The following GLIS3 variants were observed in gnomAD, a reference collection of about 807,000 sequenced individuals.
GLIS3 encodes the protein zinc finger protein GLIS3.
In GLIS3, 53 loss-of-function variants were observed where a neutral mutation model predicts 78.6. The observed-to-expected ratio is 0.67, with a 90% CI of 0.54 to 0.85. The LOEUF is 0.85. Ranked by LOEUF, GLIS3 falls within the 40% of genes least tolerant of loss-of-function variation. GLIS3 has a pLI of 0.00. For missense variants in GLIS3, 1,703 were observed against 1,231.1 expected, an observed-to-expected ratio of 1.38 and a Z score of -5.74; for synonymous variants, 684 against 509.9, an observed-to-expected ratio of 1.34 and a Z score of -4.60.
chr9:4,270,735 T>C (rs748769745), intron 2 of GLIS3, among the ~76,000 whole-genome samples: 5 of 152,220 alleles, frequency 3.3e-5, no homozygotes, highest in African/African-American at 1.2e-4. Flanking sequence ...AGCTAGAACA[T>C]TGGTCTCCTT....
chr9:3,926,144 A>C lies in GLIS3; in HGVS notation c.1983+6216T>G, dbSNP rs115246319. Among the ~76,000 whole-genome samples, 1,194 of 152,160 alleles carry C rather than the reference A, an allele frequency of 7.8e-3. 16 individuals carry two copies. Among genetic ancestry groups the C allele is most frequent in the African/African-American group, 0.027 (1,132 of 41,518 alleles). ...ACAAATTAAGATGATCCTAACATCT[A>C]TTGCTATAGTTTAGTAGTATCAGGT... On this transcript the variant is annotated intron_variant, in intron 6 of 10. Coordinates refer to ENST00000381971, the MANE Select transcript of GLIS3 (RefSeq NM_001042413.2).
intron 3 of GLIS3, among the ~76,000 whole-genome samples, chr9:4,120,825 G>T (rs1832119084): frequency 6.6e-6 from 1 of 152,200 alleles, no homozygotes; most frequent in Admixed American, 6.5e-5. Context: ...ATGACTAACA[G>T]ACAGAAGTAT....
chr9:3,830,364 C>T (rs1455170), intron 9 of GLIS3, among the ~76,000 whole-genome samples: 151,877 of 152,334 alleles, frequency 1, 75,712 homozygotes, highest in Middle Eastern at 1. Context: ...TAATATGCTT[C>T]TGAAAATATA....
chr9:3,961,204 T>C (rs554141475), intron 4 of GLIS3, among the ~76,000 whole-genome samples: 2 of 152,312 alleles, frequency 1.3e-5, no homozygotes, highest in South Asian at 4.1e-4. Flanking sequence ...GAACCCGCTG[T>C]GCTCTTGCTG....
chr9:4,101,804 C>T (rs1830392174), intron 4 of GLIS3, among the ~76,000 whole-genome samples: 1 of 152,122 alleles, frequency 6.6e-6, no homozygotes, highest in African/African-American at 2.4e-5. Context: ...TAACTCTTTC[C>T]TGTTAATGAG....
intron 2 of GLIS3, among the ~76,000 whole-genome samples, chr9:4,170,051 C>G (rs1398748699): frequency 6.6e-6 from 1 of 152,060 alleles, no homozygotes; most frequent in Non-Finnish European, 1.5e-5. Flanking sequence ...AGCAGTAAAT[C>G]ACGGATATAG....
intron 4 of GLIS3, among the ~76,000 whole-genome samples, chr9:4,110,475 G>C (rs1437662183): frequency 6.6e-6 from 1 of 152,048 alleles, no homozygotes; most frequent in Non-Finnish European, 1.5e-5. Context: ...CTCAAGCTCA[G>C]AACCTGTGGC....
the GLIS3 span, among the ~76,000 whole-genome samples, chr9:4,370,199 A>G: frequency 7.3e-5 from 11 of 151,712 alleles, no homozygotes; most frequent in African/African-American, 2.7e-4. Flanking sequence ...AAAAAAAAAA[A>G]AAAACAACCA....
At chr9:4,422,048 A>C in the GLIS3 span, among the ~76,000 whole-genome samples, 1 of 152,258 alleles carries the variant, frequency 6.6e-6, no homozygotes, top group Non-Finnish European at 1.5e-5. Context: ...AGACATGTTC[A>C]TATCAAGTTA....
chr9:4,272,449 T>C (rs10814908), intron 2 of GLIS3, among the ~76,000 whole-genome samples: 36,337 of 152,032 alleles, frequency 0.24, 4,487 homozygotes, highest in African/African-American at 0.26. Context: ...GAAGTCAGCA[T>C]AACATGGGGT....
intron 4 of GLIS3, among the ~76,000 whole-genome samples, chr9:3,974,545 C>A (rs569354501): frequency 6.6e-6 from 1 of 152,174 alleles, no homozygotes; most frequent in African/African-American, 2.4e-5. Flanking sequence ...TATGAGGACT[C>A]TGCTATTTTC....
At chr9:4,351,668 AT>A (rs869180857), upstream of GLIS3, among the ~76,000 whole-genome samples, 14 of 152,284 alleles carry the variant, frequency 9.2e-5, no homozygotes, top group South Asian at 2.9e-3. Flanking sequence ...GAAAGATTTC[AT>A]TTTTTTAAAA....
At chr9:4,296,555 T>C (rs1816522417) in intron 1 of GLIS3, among the ~76,000 whole-genome samples, 1 of 152,124 alleles carries the variant, frequency 6.6e-6, no homozygotes, top group South Asian at 2.1e-4. Flanking sequence ...AAACCCTAGG[T>C]ATTCAACCTC....
intron 6 of GLIS3, among the ~76,000 whole-genome samples, chr9:3,924,222 T>TTAGGAAGGAAAATATTTCC (rs1267724810): frequency 1.3e-5 from 2 of 152,220 alleles, no homozygotes; most frequent in Non-Finnish European, 2.9e-5. Flanking sequence ...TATTCAGTTC[T>TTAGGAAGGAAAATATTTCC]TAGGAAGGAA....
chr9:4,183,689 C>T (rs549082314), intron 2 of GLIS3, among the ~76,000 whole-genome samples: 1 of 152,174 alleles, frequency 6.6e-6, no homozygotes, highest in African/African-American at 2.4e-5. Flanking sequence ...GTACATCTTA[C>T]AAAATTTAAA....
At chr9:4,485,434 G>A in the GLIS3 span, among the ~76,000 whole-genome samples, 2 of 152,192 alleles carry the variant, frequency 1.3e-5, no homozygotes, top group East Asian at 3.9e-4. Flanking sequence ...TCTGCATAAG[G>A]ACCACTTTCC....
upstream of GLIS3, among the ~76,000 whole-genome samples, chr9:4,304,098 G>C (rs1817164797): frequency 6.6e-6 from 1 of 152,210 alleles, no homozygotes; most frequent in South Asian, 2.1e-4. Flanking sequence ...TAATTAATGA[G>C]AGAATGAAAG....
rs1228396698 is a variant in GLIS3, at chr9:4,225,601, T to C, written c.388+60437A>G. 2.6e-5 allele frequency among the ~76,000 whole-genome samples: 4 copies of C among 152,194 alleles called. No individual in the cohort carries two copies. The East Asian group carries it at 7.7e-4, about 29-fold the overall frequency. The stretch of plus-strand genomic sequence containing the variant: ...CCATTTAGTAGTAGAAGATGAAATT[T>C]AGACAAGGCAGGCTAAAGAGAAAAG... On this transcript the variant is annotated intron_variant, in intron 2 of 10. Transcript: ENST00000381971.
At chr9:3,947,353 CTGTT>C (rs1233130646) in intron 4 of GLIS3, among the ~76,000 whole-genome samples, 2 of 152,230 alleles carry the variant, frequency 1.3e-5, no homozygotes, top group Non-Finnish European at 2.9e-5. Context: ...GACTGAGAAA[CTGTT>C]TGCGGGTTGC....
Sources: gnomAD v4.1 joint callset for allele counts (sites outside exome capture counted in the v4.1 genomes callset) on GRCh38, gnomAD v4.1.1 for gene constraint, MANE v1.5 for transcripts, NCBI Gene and HGNC (gene_info 2026-07-23, HGNC 2026-07-21) for gene names.